ROBO2: variants seen among roughly 807,000 people sequenced by gnomAD.
The protein encoded by ROBO2 is roundabout guidance receptor 2.
ROBO2 carries 53 observed loss-of-function variants against 160.8 expected under a neutral mutation model. That is an observed-to-expected ratio of 0.33 (90% CI 0.26 to 0.41). The LOEUF (loss-of-function observed/expected upper bound fraction) is 0.41, where lower values mean the gene tolerates loss of function less well. ROBO2 is among the 10% of genes least tolerant of loss of function. The pLI is 1.00. For synonymous variants in ROBO2, 664 were observed against 611.7 expected (o/e 1.09, Z -1.26); for missense variants, 1,577 against 1,722.4 (o/e 0.92, Z 1.49).
chr3:76,669,634 G>A (rs1560343785), intron 2 of ROBO2, among the ~76,000 whole-genome samples: 1 of 152,086 alleles, frequency 6.6e-6, no homozygotes, highest in Non-Finnish European at 1.5e-5. Flanking sequence ...CATATTCTTT[G>A]GCTTCAGTAA....
intron 2 of ROBO2, among the ~76,000 whole-genome samples, chr3:76,842,680 T>A (rs551100250): frequency 6.6e-6 from 1 of 152,322 alleles, no homozygotes; most frequent in East Asian, 1.9e-4. Flanking sequence ...CTGTTATGAG[T>A]TAAATCATGA....
At chr3:77,607,566 A>G (rs1280754857) in intron 20 of ROBO2, among the ~76,000 whole-genome samples, 1 of 152,178 alleles carries the variant, frequency 6.6e-6, no homozygotes, top group African/African-American at 2.4e-5. Context: ...TACAGCAGCC[A>G]TGTTTTTGGT....
intron 2 of ROBO2, among the ~76,000 whole-genome samples, chr3:76,502,849 C>A (rs1049813404): frequency 2.6e-5 from 4 of 152,110 alleles, no homozygotes; most frequent in Non-Finnish European, 4.4e-5. Context: ...AAACCAACCC[C>A]TGAACAACAG....
chr3:77,520,870 C>T (rs972045644), intron 5 of ROBO2, among the ~76,000 whole-genome samples: 2 of 151,282 alleles, frequency 1.3e-5, no homozygotes, highest in African/African-American at 4.8e-5. Context: ...AATTGTTTTT[C>T]TCACATTTTT....
At chr3:77,248,549 G>A (rs534753458) in intron 2 of ROBO2, among the ~76,000 whole-genome samples, 2 of 152,234 alleles carry the variant, frequency 1.3e-5, no homozygotes, top group South Asian at 2.1e-4. Context: ...GGAGGCTGTC[G>A]CGGGGCCCAC....
chr3:76,072,799 G>A (rs974662847), intron 2 of ROBO2, among the ~76,000 whole-genome samples: 2 of 152,128 alleles, frequency 1.3e-5, no homozygotes, highest in African/African-American at 4.8e-5. Flanking sequence ...CGATGTTCAC[G>A]AAACCCCAGT....
At chr3:75,973,108 AAT>A (rs1321157052) in intron 2 of ROBO2, among the ~76,000 whole-genome samples, 1 of 151,736 alleles carries the variant, frequency 6.6e-6, no homozygotes, top group Non-Finnish European at 1.5e-5. Flanking sequence ...ATCAATTACT[AAT>A]TAGTGGTTAG....
intron 2 of ROBO2, among the ~76,000 whole-genome samples, chr3:76,548,005 A>T (rs1288278528): frequency 1.3e-5 from 2 of 152,154 alleles, no homozygotes; most frequent in Non-Finnish European, 2.9e-5. Flanking sequence ...CATGATAAAG[A>T]TCAGTATCTT....
rs543019278 is a variant in ROBO2, at chr3:76,268,479, CTCTCCTTCTCACT to C, written c.109+330879_109+330891del. Among the ~76,000 whole-genome samples, 33 of 152,062 alleles carry C rather than the reference CTCTCCTTCTCACT, an allele frequency of 2.2e-4. No homozygotes were observed. The South Asian group carries it at 6.6e-3, about 31-fold the overall frequency. On this transcript the variant is annotated intron_variant, in intron 2 of 26. Coordinates refer to the ROBO2 transcript ENST00000487694. ...CCAGTCGTGTAGTTTCTTGTGAGGC[CTCTCCTTCTCACT>C]TGCAGATGGCCACCCTCTTGTTGTG...
chr3:77,309,829 G>A (rs1266731681), intron 2 of ROBO2, among the ~76,000 whole-genome samples: 1 of 152,188 alleles, frequency 6.6e-6, no homozygotes, highest in Admixed American at 6.5e-5. Flanking sequence ...AGGGTCCATA[G>A]AGAGATAACT....
chr3:76,204,571 C>T (rs1038096146), intron 2 of ROBO2, among the ~76,000 whole-genome samples: 22 of 152,288 alleles, frequency 1.4e-4, no homozygotes, highest in African/African-American at 4.6e-4. Flanking sequence ...CCACCTGCAT[C>T]GAATTCTGCT....
In ROBO2 at chr3:76,131,454, A is replaced by G. The variant is rs140769734; in HGVS notation, c.109+193852A>G. 8.4e-3 allele frequency among the ~76,000 whole-genome samples: 1,286 copies of G among 152,214 alleles called. 19 individuals carry two copies. Among genetic ancestry groups the G allele is most frequent in the South Asian group, 0.053 (256 of 4,826 alleles). On this transcript the variant is annotated intron_variant, in intron 2 of 26. Transcript: ENST00000487694. The stretch of plus-strand genomic sequence containing the variant: ...GTGAGATTGAGGTTTGCTCACAAGA[A>G]GTTGTTGAGGAGTGAACTGAGACAA...
intron 2 of ROBO2, among the ~76,000 whole-genome samples, chr3:77,246,226 G>A (rs1244406929): frequency 1.3e-5 from 2 of 152,108 alleles, no homozygotes; most frequent in Middle Eastern, 3.4e-3. Context: ...TACCTTCTTA[G>A]GCACAAAGAG....
intron 2 of ROBO2, among the ~76,000 whole-genome samples, chr3:76,436,569 G>A (rs1236148759): frequency 6.6e-6 from 1 of 151,730 alleles, no homozygotes; most frequent in Non-Finnish European, 1.5e-5. Flanking sequence ...TTTTTTTGGT[G>A]GGAAGAGAGA....
At chr3:77,147,749 G>A (rs990977527) in intron 2 of ROBO2, among the ~76,000 whole-genome samples, 3 of 152,104 alleles carry the variant, frequency 2.0e-5, no homozygotes, top group Admixed American at 6.5e-5. Context: ...AAGAATTTGT[G>A]CAAAAGTTAC....
intron 2 of ROBO2, among the ~76,000 whole-genome samples, chr3:75,949,141 T>A (rs2107168725): frequency 6.6e-6 from 1 of 152,246 alleles, no homozygotes; most frequent in Non-Finnish European, 1.5e-5. Flanking sequence ...TCAAGTCATA[T>A]TTCTCAGTAT....
At chr3:76,158,530 A>G (rs1577092016) in intron 2 of ROBO2, among the ~76,000 whole-genome samples, 1 of 152,178 alleles carries the variant, frequency 6.6e-6, no homozygotes, top group East Asian at 1.9e-4. Context: ...TATTTGATAC[A>G]TAATCAAATC....
At chr3:76,347,779 T>C (rs1225934485) in intron 2 of ROBO2, among the ~76,000 whole-genome samples, 1 of 152,008 alleles carries the variant, frequency 6.6e-6, no homozygotes, top group African/African-American at 2.4e-5. Context: ...ACCTGGAAAA[T>C]AACATTAGTA....
At chr3:77,438,483 C>A (rs1270595277) in intron 2 of ROBO2, among the ~76,000 whole-genome samples, 1 of 151,318 alleles carries the variant, frequency 6.6e-6, no homozygotes, top group Non-Finnish European at 1.5e-5. Context: ...ACACTTCAGA[C>A]TGTTTAGGGT....
Sources: allele counts gnomAD v4.1 joint callset (sites outside exome capture counted in the v4.1 genomes callset), GRCh38; gene constraint gnomAD v4.1.1; transcripts MANE v1.5; gene names NCBI Gene and HGNC (gene_info 2026-07-23, HGNC 2026-07-21).